Variants in FOXM1 observed in about 807,000 individuals in gnomAD.
FOXM1 encodes the protein forkhead box protein M1.
In FOXM1, 25 loss-of-function variants were observed where a neutral mutation model predicts 63.6. That is an observed-to-expected ratio of 0.39 (90% CI 0.29 to 0.55). The LOEUF (loss-of-function observed/expected upper bound fraction) is 0.55. Ranked by LOEUF, FOXM1 falls within the 20% of genes least tolerant of loss-of-function variation. FOXM1 has a pLI of 0.60. For synonymous variants in FOXM1, 387 were observed against 376.9 expected (o/e 1.03, Z -0.31); for missense variants, 879 against 958.7 (o/e 0.92, Z 1.10).
chr12:2,858,943 G>A lies in FOXM1; in HGVS notation c.1987C>T (p.Pro663Ser). 6.2e-7 allele frequency: 1 copy of A among 1,613,684 alleles called. No individual in the cohort carries two copies. Among genetic ancestry groups the A allele is most frequent in the South Asian group, 1.1e-5 (1 of 91,070 alleles). The change falls in exon 9 of 9, where the codon CCC becomes TCC. Residue 663 changes from proline to serine, a missense_variant. By Grantham distance (74) the Pro-to-Ser change is moderately conservative. Coordinates refer to ENST00000359843, the MANE Select transcript of FOXM1 (RefSeq NM_021953.4). ...PLGLMDLSTT[P>S]LQSAPPLESP... Reference sequence around the variant, plus strand: ...TCAAGGGGGGGAGCACTTTGCAAGGGAGTGGTGCTGAGATCCATCAGCCCC... The same window carrying A: ...TCAAGGGGGGGAGCACTTTGCAAGGAAGTGGTGCTGAGATCCATCAGCCCC...
rs1218554020 is a variant in FOXM1, at chr12:2,872,593, T to G, written c.503-346A>C. 6.6e-6 allele frequency among the ~76,000 whole-genome samples: 1 copy of G among 152,130 alleles called. No homozygotes were observed. The highest frequency in any genetic ancestry group is 2.1e-4 in the South Asian group (1 of 4,810). ...CACTACACTCCAGCCTGAGTGAGAC[T>G]CTGTCTCAGAAAAATAAAAAATAAA... is the stretch of plus-strand genomic sequence containing the variant. On this transcript the variant is annotated intron_variant, in intron 2 of 8. Coordinates refer to ENST00000359843, the MANE Select transcript of FOXM1 (RefSeq NM_021953.4). The surrounding 1 kb of genome is among the most constrained non-coding windows in gnomAD (Gnocchi z 4.0).
chr12:2,874,360 T>C lies in FOXM1; in HGVS notation c.119A>G (p.Glu40Gly), dbSNP rs1206501542. The C allele has an allele frequency of 6.2e-7, 1 of 1,614,108 alleles. No homozygotes were observed. The highest frequency in any genetic ancestry group is 1.1e-5 in the South Asian group (1 of 91,074). The part of the protein sequence containing the change: ...EEPKRSPAQQ[E>G]SNQAEASKEV... ...CTTGGAGGCCTCTGCTTGATTAGAC[T>C]CCTGTTGGGCAGGGGATCTCTTAGG... The change falls in exon 2 of 9, where the codon GAG becomes GGG. Residue 40 changes from glutamate (E) to glycine (G), a missense_variant. Coordinates refer to ENST00000359843, the MANE Select transcript of FOXM1 (RefSeq NM_021953.4). This position sits in a 1 kb window ranked among gnomAD's most constrained non-coding sequence, Gnocchi z 4.3.
At position 2,864,125 on chromosome 12, in the gene FOXM1, G is replaced by T; in HGVS notation, c.1266+195C>A. 1 of 569,040 alleles carries T rather than the reference G, an allele frequency of 1.8e-6. No homozygotes were observed. Among genetic ancestry groups the T allele is most frequent in the Non-Finnish European group, 3.1e-6 (1 of 321,466 alleles). The allele number at this position is 569,040 out of a possible 1,614,324, so 35.2% of individuals were successfully genotyped here. ...CTCATCAGGTATTTATGGGCCTTCTGACACCACTTACATTGTAATCCAAAT... is the reference window on the plus strand; with the variant it reads ...CTCATCAGGTATTTATGGGCCTTCTTACACCACTTACATTGTAATCCAAAT... On this transcript the variant is annotated intron_variant, in intron 8 of 8. Coordinates refer to ENST00000359843, the MANE Select transcript of FOXM1 (RefSeq NM_021953.4). This position sits in a 1 kb window ranked among gnomAD's most constrained non-coding sequence, Gnocchi z 5.1.
rs1293073772 is a variant in FOXM1 at position 2,877,061 on chromosome 12, G to C, written c.-189C>G. On this transcript the variant is annotated 5_prime_UTR_variant, in exon 1 of 9. Coordinates refer to ENST00000359843, the MANE Select transcript of FOXM1 (RefSeq NM_021953.4). ...GTCCCCGGCGGTGCGGGCGGGGTGGGAACCCCGGGGGATCCCGGGAGGGGA... is the reference window on the plus strand; with the variant it reads ...GTCCCCGGCGGTGCGGGCGGGGTGGCAACCCCGGGGGATCCCGGGAGGGGA... 1 of 151,990 alleles carries C rather than the reference G, an allele frequency of 6.6e-6. No homozygotes were observed. Among genetic ancestry groups the C allele is most frequent in the Non-Finnish European group, 1.5e-5 (1 of 67,964 alleles). The allele number at this position is 151,990 out of a possible 1,614,324, so 9.4% of individuals were successfully genotyped here.
At chr12:2,862,941 T>C (rs2098116669) in intron 8 of FOXM1, among the ~76,000 whole-genome samples, 1 of 152,158 alleles carries the variant, frequency 6.6e-6, no homozygotes, top group Non-Finnish European at 1.5e-5. Flanking sequence ...GGGAAGCTTT[T>C]CACTTTGGTT....
chr12:2,858,629 G>A lies in FOXM1; in HGVS notation c.*9C>T. The A allele has an allele frequency of 1.2e-6, 2 of 1,610,964 alleles. No individual in the cohort carries two copies. The highest frequency in any genetic ancestry group is 1.1e-5 in the South Asian group (1 of 90,748). On this transcript the variant is annotated 3_prime_UTR_variant, in exon 9 of 9. Transcript: ENST00000359843. ...TGGACAGCTTGAGCACAGGGGCAAG[G>A]GCAGGGCTCTACTGTAGCTCAGGAA...
intron 3 of FOXM1, among the ~76,000 whole-genome samples, chr12:2,870,204 G>C (rs946131829): frequency 6.6e-6 from 1 of 151,914 alleles, no homozygotes; most frequent in Non-Finnish European, 1.5e-5. Context: ...TGGAACTCCC[G>C]ACGTCAGGTG....
In FOXM1 at chr12:2,858,964, G is replaced by A. The variant is rs2098100568; in HGVS notation, c.1966C>T (p.Leu656=). Residue 656 remains leucine (L), a synonymous_variant, in exon 9 of 9, where the codon CTG becomes TTG. Coordinates refer to ENST00000359843, the MANE Select transcript of FOXM1 (RefSeq NM_021953.4). ...ASDPLPDPLG[L]MDLSTTPLQS... ...AAGGGAGTGGTGCTGAGATCCATCA[G>A]CCCCAGGGGGTCAGGCAAGGGGTCA... 6.2e-7 allele frequency: 1 copy of A among 1,613,526 alleles called. No individual in the cohort carries two copies. The highest frequency in any genetic ancestry group is 8.5e-7 in the Non-Finnish European group (1 of 1,179,900).
rs138809142 is a variant in FOXM1, at chr12:2,859,461, G to A, written c.1469C>T (p.Pro490Leu). 2.0e-4 allele frequency: 316 copies of A among 1,613,860 alleles called. 1 individual carries two copies. The African/African-American group carries it at 2.9e-3, about 15-fold the overall frequency. The change falls in exon 9 of 9, where the codon CCG (proline) becomes CTG (leucine). Residue 490 changes from proline (P) to leucine (L), a missense_variant. Physicochemically the swap from Pro to Leu is moderately conservative, Grantham distance 98. This residue lies in a region of FOXM1 where 486 missense variants were observed against 453.5 expected (regional missense o/e 1.07). Transcript: ENST00000359843. ...TGATTCCTCTTTGAAAGATGGGGCC[G>A]GGGAGGGCCACTCTTCCAAGGGAGG... The part of the protein sequence containing the change: ...ESPPLEEWPS[P>L]APSFKEESSH...
intron 3 of FOXM1, among the ~76,000 whole-genome samples, chr12:2,869,451 T>C (rs912033872): frequency 1.3e-5 from 2 of 151,666 alleles, no homozygotes; most frequent in African/African-American, 4.8e-5. Flanking sequence ...TTTTTTTTTT[T>C]TGAGATGGAG....
intron 3 of FOXM1, among the ~76,000 whole-genome samples, chr12:2,871,048 G>A (rs2098132486): frequency 1.3e-5 from 2 of 150,324 alleles, no homozygotes; most frequent in Non-Finnish European, 1.5e-5. Flanking sequence ...GGGCCTTCTT[G>A]AGGGTGGAGA....
At chr12:2,865,265 A>AC in intron 6 of FOXM1, 90 bp downstream of exon 6, 1 of 1,211,388 alleles carries the variant, frequency 8.3e-7, no homozygotes, top group Non-Finnish European at 1.2e-6. Flanking sequence ...ACCCTTCCCC[A>AC]CATCACATCT....
At chr12:2,875,999 G>T (rs548160266) in intron 1 of FOXM1, among the ~76,000 whole-genome samples, 1 of 151,042 alleles carries the variant, frequency 6.6e-6, no homozygotes, top group South Asian at 2.1e-4. Context: ...CTCCTCAGGT[G>T]ATCCACCCGC....
At chr12:2,871,514 C>T (rs1565476157) in intron 3 of FOXM1, among the ~76,000 whole-genome samples, 1 of 151,914 alleles carries the variant, frequency 6.6e-6, no homozygotes, top group African/African-American at 2.4e-5. Context: ...GGCATGGTGG[C>T]ATGCACCAAG....
At chr12:2,869,859 T>C (rs1405186795) in intron 3 of FOXM1, among the ~76,000 whole-genome samples, 1 of 152,006 alleles carries the variant, frequency 6.6e-6, no homozygotes, top group African/African-American at 2.4e-5. Context: ...AGTGCTGGGA[T>C]TACAATTGTC....
rs181525652 is a variant in FOXM1, at chr12:2,859,389, T to C, written c.1541A>G (p.Lys514Arg). The C allele has an allele frequency of 6.2e-7, 1 of 1,613,938 alleles. No homozygotes were observed. The highest frequency in any genetic ancestry group is 2.2e-5 in the East Asian group (1 of 44,862). Residue 514 changes from lysine to arginine, a missense_variant, in exon 9 of 9, where the codon AAG (lysine) becomes AGG (arginine). Physicochemically the swap from Lys to Arg is conservative, Grantham distance 26 (BLOSUM62 2). Around this residue, in one of 4 missense-constraint regions of FOXM1, gnomAD observed 486 missense variants for 453.5 expected, o/e 1.07. Transcript: ENST00000359843. ...GGACCTAAGCCCACTGTAGGACTTC[T>C]TGGGTCTTGGGGTGGGAGATTGGGA... The part of the protein sequence containing the change: ...DSSQSPTPRP[K>R]KSYSGLRSPT...
At chr12:2,869,084 G>T (rs976434265) in intron 3 of FOXM1, among the ~76,000 whole-genome samples, 1 of 152,180 alleles carries the variant, frequency 6.6e-6, no homozygotes, top group Non-Finnish European at 1.5e-5. Context: ...CTAAAACCAC[G>T]CCCGTTTTTC....
chr12:2,867,846 C>T (rs533802114), intron 4 of FOXM1, among the ~76,000 whole-genome samples: 4 of 151,196 alleles, frequency 2.6e-5, no homozygotes, highest in East Asian at 3.9e-4. Context: ...GGCGTGGTGG[C>T]GCATGCCTGT....
intron 3 of FOXM1, among the ~76,000 whole-genome samples, chr12:2,869,468 T>C (rs2098129117): frequency 1.4e-5 from 2 of 146,616 alleles, no homozygotes; most frequent in South Asian, 4.3e-4. Flanking sequence ...GGAGTTTCAC[T>C]CTTGTTGCCC....
Sources: gnomAD v4.1 joint callset for allele counts (sites outside exome capture counted in the v4.1 genomes callset) on GRCh38, gnomAD v4.1.1 for gene constraint, gnomAD v4.1.1 regional missense constraint, Gnocchi (gnomAD v3.1) non-coding constraint, MANE v1.5 for transcripts, NCBI Gene and HGNC (gene_info 2026-07-23, HGNC 2026-07-21) for gene names.